The following CAPZB variants were observed in gnomAD, a reference collection of about 807,000 sequenced individuals.
The protein encoded by CAPZB is F-actin-capping protein subunit beta.
A neutral mutation model predicts 38.1 loss-of-function variants in CAPZB; 2 were observed. That is an observed-to-expected ratio of 0.05 (90% CI 0.02 to 0.17). CAPZB has a LOEUF of 0.17. Ranked by LOEUF, CAPZB falls within the 10% of genes least tolerant of loss-of-function variation. CAPZB has a pLI of 1.00. For missense variants in CAPZB, 161 were observed against 334.2 expected, an observed-to-expected ratio of 0.48 and a Z score of 4.04; for synonymous variants, 107 against 127.4, an observed-to-expected ratio of 0.84 and a Z score of 1.08.
At position 19,460,574 on chromosome 1, in the gene CAPZB, CTTT is replaced by C. The variant is rs35288971; in HGVS notation, c.3+24859_3+24861del. 1.1e-3 allele frequency among the ~76,000 whole-genome samples: 102 copies of C among 90,964 alleles called. No individual in the cohort carries two copies. The Middle Eastern group carries it at 0.031, about 28-fold the overall frequency. 59.7% of individuals were successfully genotyped at this position (90,964 alleles called of 152,430 possible). The stretch of plus-strand genomic sequence containing the variant: ...ACAGGCGTGAGCCACTGTGCCCAGG[CTTT>C]TTTTTTTTTTTTTTTTTTTTGTATT... On this transcript the variant is annotated intron_variant, in intron 1 of 8. Transcript: ENST00000264202.
chr1:19,468,297 A>G (rs2100765283), intron 1 of CAPZB, among the ~76,000 whole-genome samples: 1 of 152,336 alleles, frequency 6.6e-6, no homozygotes, highest in African/African-American at 2.4e-5. Context: ...AAAACAAAAA[A>G]ACACAATAAA....
intron 1 of CAPZB, among the ~76,000 whole-genome samples, chr1:19,432,921 A>G (rs191050978): frequency 1.4e-3 from 215 of 152,372 alleles, no homozygotes; most frequent in African/African-American, 4.8e-3. Flanking sequence ...GGACAATGTC[A>G]TCTACTACCA....
chr1:19,371,087 G>A (rs1002320853), intron 4 of CAPZB, among the ~76,000 whole-genome samples: 8 of 152,086 alleles, frequency 5.3e-5, no homozygotes, highest in Admixed American at 1.3e-4. Context: ...CACTGCAGAC[G>A]GGCACTACCA....
intron 6 of CAPZB, among the ~76,000 whole-genome samples, chr1:19,352,753 T>C (rs1420841365): frequency 6.6e-6 from 1 of 152,274 alleles, no homozygotes. Context: ...TTACCTTGTC[T>C]TCCAGTTGAC....
At chr1:19,376,940 C>T (rs1311238859) in intron 4 of CAPZB, among the ~76,000 whole-genome samples, 2 of 152,158 alleles carry the variant, frequency 1.3e-5, no homozygotes, top group Admixed American at 6.5e-5. Flanking sequence ...TCTGTCAGCT[C>T]GTTTGTAAGA....
chr1:19,416,995 C>T (rs975947774), intron 2 of CAPZB, among the ~76,000 whole-genome samples: 1 of 151,836 alleles, frequency 6.6e-6, no homozygotes, highest in Admixed American at 6.6e-5. Context: ...TGCAACTAAG[C>T]CTCAGAGGTG....
chr1:19,344,570 A>AGC (rs2093950480), intron 7 of CAPZB, 136 bp from the exon 8 acceptor site: 1 of 696,604 alleles, frequency 1.4e-6, no homozygotes, highest in South Asian at 1.6e-5. Context: ...GGCATCAGTG[A>AGC]GCGCGCTCCA....
intron 1 of CAPZB, among the ~76,000 whole-genome samples, chr1:19,469,082 T>C (rs1367840856): frequency 6.6e-6 from 1 of 152,200 alleles, no homozygotes; most frequent in East Asian, 1.9e-4. Context: ...TATTAATCAA[T>C]GTCTCTTTGA....
intron 4 of CAPZB, 151 bp downstream of exon 4, chr1:19,378,389 G>A: frequency 1.6e-6 from 1 of 614,274 alleles, no homozygotes; most frequent in South Asian, 1.9e-5. Context: ...AGGTGAGCCA[G>A]GTAACAGATT....
intron 1 of CAPZB, among the ~76,000 whole-genome samples, chr1:19,479,970 T>C (rs1411523564): frequency 1.3e-5 from 2 of 152,010 alleles, no homozygotes; most frequent in East Asian, 3.9e-4. Context: ...CACCCTGTCC[T>C]CTCTGCCTGA....
At chr1:19,453,418 C>T (rs551359562) in intron 1 of CAPZB, among the ~76,000 whole-genome samples, 7 of 151,874 alleles carry the variant, frequency 4.6e-5, no homozygotes, top group South Asian at 2.1e-4. Context: ...CGCACCACCA[C>T]GCCAGCTAAT....
At chr1:19,367,371 C>T (rs894179344) in intron 4 of CAPZB, among the ~76,000 whole-genome samples, 9 of 152,266 alleles carry the variant, frequency 5.9e-5, no homozygotes, top group Non-Finnish European at 8.8e-5. Context: ...CTCTTACTTT[C>T]TGAACAGAGG....
intron 1 of CAPZB, among the ~76,000 whole-genome samples, chr1:19,460,976 G>T (rs1570335786): frequency 6.6e-6 from 1 of 151,806 alleles, no homozygotes; most frequent in Non-Finnish European, 1.5e-5. Flanking sequence ...ACCAACCCAG[G>T]AGCTGAGCTA....
chr1:19,378,620 C>T lies in CAPZB; in HGVS notation c.249G>A (p.Leu83=), dbSNP rs553252097. ...GAGCTGACGGCATGGCCCCATCCTC[C>T]AAGGGAGGGTCATACTTGTTACTCC... ...SPWSNKYDPP[L]EDGAMPSARL... The change falls in exon 4 of 9, where the codon TTG becomes TTA. Residue 83 remains leucine (L), a synonymous_variant. Transcript: ENST00000264202. 6 of 1,612,108 alleles carry T rather than the reference C, an allele frequency of 3.7e-6. No individual in the cohort carries two copies. The African/African-American group carries it at 6.7e-5, about 18-fold the overall frequency.
intron 1 of CAPZB, among the ~76,000 whole-genome samples, chr1:19,442,226 A>T: frequency 6.6e-6 from 1 of 152,228 alleles, no homozygotes; most frequent in Non-Finnish European, 1.5e-5. Context: ...GTCAGTGCTT[A>T]GTCCTGTTGT....
chr1:19,480,799 G>A (rs563286893), intron 1 of CAPZB, among the ~76,000 whole-genome samples: 55 of 152,264 alleles, frequency 3.6e-4, no homozygotes, highest in Non-Finnish European at 7.4e-4. Flanking sequence ...TAAGTTGTGC[G>A]TTCAAGGCAC....
rs544774148 is a variant in CAPZB at position 19,362,579 on chromosome 1, C to T, written c.330-5016G>A. Among the ~76,000 whole-genome samples the T allele has an allele frequency of 4.3e-4, 66 of 152,122 alleles. No individual in the cohort carries two copies. The South Asian group carries it at 0.013, about 30-fold the overall frequency. On this transcript the variant is annotated intron_variant, in intron 4 of 8. Coordinates refer to ENST00000264202, the MANE Select transcript of CAPZB (RefSeq NM_004930.5). ...GGCGCAGTGGCTCACACCTGTAATC[C>T]TAGCACTTTGGGAGGCTGAGGTGGG... is the stretch of plus-strand genomic sequence containing the variant.
At chr1:19,382,863 G>T (rs1233149326) in intron 3 of CAPZB, among the ~76,000 whole-genome samples, 1 of 152,130 alleles carries the variant, frequency 6.6e-6, no homozygotes, top group Admixed American at 6.5e-5. Context: ...ACCTCCTCCA[G>T]GAAGCGTTCC....
chr1:19,455,239 C>T (rs1291857538), intron 1 of CAPZB, among the ~76,000 whole-genome samples: 1 of 152,212 alleles, frequency 6.6e-6, no homozygotes, highest in Non-Finnish European at 1.5e-5. Context: ...CCTGGCTGTG[C>T]TGAGTGTGGG....
Sources: gnomAD v4.1 joint callset for allele counts (sites outside exome capture counted in the v4.1 genomes callset) on GRCh38, gnomAD v4.1.1 for gene constraint, MANE v1.5 for transcripts, NCBI Gene and HGNC (gene_info 2026-07-23, HGNC 2026-07-21) for gene names.